The following LOC128092252 variants were observed in gnomAD, a reference collection of about 807,000 sequenced individuals.
chr15:50,666,713 A>T, the LOC128092252 span, among the ~76,000 whole-genome samples: 1 of 151,880 alleles, frequency 6.6e-6, no homozygotes, highest in Non-Finnish European at 1.5e-5. Context: ...GAGGCAGGAG[A>T]ATTGCTTGAA....
the LOC128092252 span, among the ~76,000 whole-genome samples, chr15:50,664,143 C>G: frequency 6.6e-6 from 1 of 151,478 alleles, no homozygotes; most frequent in Non-Finnish European, 1.5e-5. Context: ...ACTAAAAATA[C>G]AAAAATTAGC....
At chr15:50,663,061 T>G in the LOC128092252 span, 1 of 1,597,098 alleles carries the variant, frequency 6.3e-7, no homozygotes, top group Non-Finnish European at 8.6e-7. Context: ...AACAAAATGT[T>G]TTAAAGAATT....
At chr15:50,680,701 CT>C in the LOC128092252 span, among the ~76,000 whole-genome samples, 1 of 152,148 alleles carries the variant, frequency 6.6e-6, no homozygotes, top group East Asian at 1.9e-4. Flanking sequence ...GTACAGCAAA[CT>C]TTTTAAGTTA....
chr15:50,677,373 CG>C, the LOC128092252 span, among the ~76,000 whole-genome samples: 1,201 of 152,044 alleles, frequency 7.9e-3, 20 homozygotes, highest in African/African-American at 0.028. Flanking sequence ...TATGAATTCT[CG>C]GGGAGCGAGG....
the LOC128092252 span, among the ~76,000 whole-genome samples, chr15:50,659,594 A>G: frequency 6.6e-6 from 1 of 152,194 alleles, no homozygotes; most frequent in South Asian, 2.1e-4. Flanking sequence ...TAATACCTTG[A>G]GTGCTTTTAT....
the LOC128092252 span, among the ~76,000 whole-genome samples, chr15:50,672,728 G>A: frequency 1.5e-4 from 23 of 151,640 alleles, no homozygotes. Context: ...TGATCAATGT[G>A]GTGAAACCCC....
chr15:50,674,368 G>C, the LOC128092252 span, among the ~76,000 whole-genome samples: 3 of 152,242 alleles, frequency 2.0e-5, no homozygotes, highest in African/African-American at 7.2e-5. Flanking sequence ...CTGATCTCAG[G>C]TGATCCACCC....
chr15:50,666,175 TG>T, the LOC128092252 span, among the ~76,000 whole-genome samples: 2,180 of 152,064 alleles, frequency 0.014, 58 homozygotes, highest in African/African-American at 0.05. Context: ...TTAACAAAAT[TG>T]GTAAACCTTT....
chr15:50,665,854 G>A, the LOC128092252 span, among the ~76,000 whole-genome samples: 1 of 152,166 alleles, frequency 6.6e-6, no homozygotes, highest in East Asian at 1.9e-4. Flanking sequence ...TTAGCAGAGT[G>A]TTGTGGTGGG....
chr15:50,659,018 G>GAA, the LOC128092252 span, among the ~76,000 whole-genome samples: 1 of 151,952 alleles, frequency 6.6e-6, no homozygotes, highest in Non-Finnish European at 1.5e-5. Flanking sequence ...CTAACGCAGT[G>GAA]AAACCCCGTC....
chr15:50,651,476 T>G, the LOC128092252 span, among the ~76,000 whole-genome samples: 5 of 151,740 alleles, frequency 3.3e-5, no homozygotes, highest in Admixed American at 2.6e-4. Flanking sequence ...AAACCCCGTC[T>G]GTAATAAAAA....
At chr15:50,656,140 G>T in the LOC128092252 span, among the ~76,000 whole-genome samples, 1 of 152,070 alleles carries the variant, frequency 6.6e-6, no homozygotes, top group East Asian at 1.9e-4. Flanking sequence ...TTCATGTTCA[G>T]TTCAGTGTAG....
chr15:50,682,491 A>G, the LOC128092252 span, among the ~76,000 whole-genome samples: 1 of 151,596 alleles, frequency 6.6e-6, no homozygotes, highest in Non-Finnish European at 1.5e-5. Context: ...CAGGAGAATC[A>G]CTTGAATCCA....
At chr15:50,686,626 G>A in the LOC128092252 span, 6 of 1,536,616 alleles carry the variant, frequency 3.9e-6, no homozygotes, top group Non-Finnish European at 5.3e-6. Flanking sequence ...CTCCGGAGGC[G>A]GCAGCAGAGG....
the LOC128092252 span, among the ~76,000 whole-genome samples, chr15:50,657,482 G>A: frequency 2.0e-5 from 3 of 152,136 alleles, no homozygotes; most frequent in Non-Finnish European, 1.5e-5. Flanking sequence ...ACATTCTGCA[G>A]TTTCCTGACA....
chr15:50,648,830 T>A, the LOC128092252 span: 2 of 1,613,004 alleles, frequency 1.2e-6, no homozygotes, highest in Non-Finnish European at 1.7e-6. Flanking sequence ...GAGTATTTCA[T>A]GGCAAGACTT....
the LOC128092252 span, among the ~76,000 whole-genome samples, chr15:50,667,880 T>C: frequency 6.6e-6 from 1 of 152,180 alleles, no homozygotes; most frequent in African/African-American, 2.4e-5. Context: ...TGAAATGGTG[T>C]TTGGCTTTCT....
chr15:50,666,289 T>A, the LOC128092252 span, among the ~76,000 whole-genome samples: 1 of 150,080 alleles, frequency 6.7e-6, no homozygotes, highest in Non-Finnish European at 1.5e-5. Flanking sequence ...ATACAAAAAA[T>A]TAGCCAAGCA....
At chr15:50,679,188 T>C in the LOC128092252 span, among the ~76,000 whole-genome samples, 1 of 150,734 alleles carries the variant, frequency 6.6e-6, no homozygotes, top group Middle Eastern at 3.2e-3. Context: ...ATTTTTTAAT[T>C]AGCCAGGTTG....
Sources: gnomAD v4.1 joint callset for allele counts (sites outside exome capture counted in the v4.1 genomes callset) on GRCh38, gnomAD v4.1.1 for gene constraint, MANE v1.5 for transcripts.